Variants in RAB6A observed in about 807,000 individuals in gnomAD.
RAB6A encodes ras-related protein Rab-6A.
In RAB6A, 8 loss-of-function variants were observed where a neutral mutation model predicts 32.3. That is an observed-to-expected ratio of 0.25 (90% CI 0.15 to 0.45). The LOEUF is 0.45. Ranked by LOEUF, RAB6A falls within the 20% of genes least tolerant of loss-of-function variation. RAB6A has a pLI of 1.00. For missense variants in RAB6A, 104 were observed against 249.4 expected (o/e 0.42, Z 3.93); for synonymous variants, 73 against 82.1 (o/e 0.89, Z 0.60).
At chr11:73,759,928 T>G in intron 1 of RAB6A, 31 of 826,706 alleles carry the variant, frequency 3.7e-5, no homozygotes, top group Non-Finnish European at 4.7e-5. Context: ...CGCTACCCCT[T>G]TCACCCCCAA....
chr11:73,698,819 A>AC (rs1945695806), intron 6 of RAB6A, among the ~76,000 whole-genome samples: 1 of 147,206 alleles, frequency 6.8e-6, no homozygotes, highest in Non-Finnish European at 1.5e-5. Flanking sequence ...AATCAAGTAC[A>AC]CTCAGTTCAG....
chr11:73,690,238 G>A (rs1488709152), intron 6 of RAB6A, among the ~76,000 whole-genome samples: 1 of 152,070 alleles, frequency 6.6e-6, no homozygotes, highest in East Asian at 1.9e-4. Flanking sequence ...AAGTTCAAAG[G>A]ACACAATGAT....
At chr11:73,751,436 G>A (rs117793089) in intron 1 of RAB6A, among the ~76,000 whole-genome samples, 2,813 of 152,248 alleles carry the variant, frequency 0.018, 37 homozygotes, top group Non-Finnish European at 0.029. Flanking sequence ...AACCGACAAT[G>A]GGGAAAGCTG....
At position 73,737,305 on chromosome 11, in the gene RAB6A, C is replaced by T. The variant is rs566168403; in HGVS notation, c.71-6482G>A. Among the ~76,000 whole-genome samples the T allele has an allele frequency of 8.6e-5, 13 of 151,980 alleles. No homozygotes were observed. The East Asian group carries it at 1.9e-3, about 23-fold the overall frequency. On this transcript the variant is annotated intron_variant, in intron 1 of 7. Transcript: ENST00000336083. ...TTCGAGATCAGCCTGGGCAAATAAG[C>T]GAGACCCTATCTCTACAAAAAATTT...
chr11:73,722,056 G>GTGTGTGTGTATATATATATATATATAT (rs1555061901), intron 2 of RAB6A, among the ~76,000 whole-genome samples: 25 of 151,030 alleles, frequency 1.7e-4, no homozygotes, highest in Non-Finnish European at 2.4e-4. Flanking sequence ...CTTCTGCCAT[G>GTGTGTGTGTATATATATATATATATAT]ATTGTAAGTT....
At chr11:73,735,725 C>T (rs754235193) in intron 1 of RAB6A, among the ~76,000 whole-genome samples, 20 of 151,840 alleles carry the variant, frequency 1.3e-4, no homozygotes, top group African/African-American at 3.9e-4. Context: ...TACTTATATA[C>T]GAGATTACCT....
At chr11:73,719,027 T>G in intron 3 of RAB6A, 1 of 723,782 alleles carries the variant, frequency 1.4e-6, no homozygotes, top group Non-Finnish European at 2.2e-6. Context: ...TTGCAGGGAG[T>G]GAGGAATGAA....
chr11:73,704,185 T>C (rs1022164872), intron 6 of RAB6A: 22 of 432,976 alleles, frequency 5.1e-5, no homozygotes, highest in African/African-American at 4.1e-4. Context: ...AGTTCAAGAC[T>C]AGCCTGGGCA....
chr11:73,698,736 T>C (rs1945693669), intron 6 of RAB6A, among the ~76,000 whole-genome samples: 1 of 152,022 alleles, frequency 6.6e-6, no homozygotes. Flanking sequence ...TTACACTATG[T>C]GTGCTAGGTA....
intron 1 of RAB6A, among the ~76,000 whole-genome samples, chr11:73,745,246 C>T (rs79659315): frequency 0.021 from 3,198 of 152,234 alleles, 112 homozygotes; most frequent in African/African-American, 0.072. Flanking sequence ...CTGTATTTTT[C>T]TTGTTCATAG....
chr11:73,696,786 C>T (rs1945662850), intron 6 of RAB6A, among the ~76,000 whole-genome samples: 1 of 150,058 alleles, frequency 6.7e-6, no homozygotes, highest in Non-Finnish European at 1.5e-5. Context: ...TTTTTTTTTG[C>T]AGACACACAC....
intron 6 of RAB6A, among the ~76,000 whole-genome samples, chr11:73,680,805 C>T (rs973232156): frequency 1.3e-4 from 20 of 152,166 alleles, no homozygotes; most frequent in Admixed American, 1.2e-3. Flanking sequence ...GCTGGCTTTT[C>T]TTCCATCATT....
chr11:73,704,087 A>G (rs1379468626), intron 6 of RAB6A: 1 of 234,772 alleles, frequency 4.3e-6, no homozygotes, highest in East Asian at 1.1e-4. Flanking sequence ...AATGCTATAA[A>G]TTTACTAAAA....
chr11:73,714,209 A>AAAAATATATATAT (rs35864471), intron 5 of RAB6A, among the ~76,000 whole-genome samples: 1 of 57,576 alleles, frequency 1.7e-5, no homozygotes, highest in African/African-American at 6.2e-5. Flanking sequence ...AAAAAAAAAA[A>AAAAATATATATAT]ATATATATAT....
At chr11:73,743,365 T>C (rs1590885475) in intron 1 of RAB6A, among the ~76,000 whole-genome samples, 1 of 151,530 alleles carries the variant, frequency 6.6e-6, no homozygotes, top group East Asian at 1.9e-4. Context: ...ACCTCCATAC[T>C]AGCAGAGGTA....
chr11:73,743,097 A>G (rs1946525048), intron 1 of RAB6A, among the ~76,000 whole-genome samples: 1 of 151,900 alleles, frequency 6.6e-6, no homozygotes, highest in Non-Finnish European at 1.5e-5. Flanking sequence ...CGAGTTTGAG[A>G]CCAGCCTGGG....
rs778383819 is a variant in RAB6A at position 73,760,643 on chromosome 11, C to A, written c.-8G>T. On this transcript the variant is annotated 5_prime_UTR_variant, in exon 1 of 8. Transcript: ENST00000336083. ...GTCTCCGCCCGTGGACATTGTGGAACTAGAGGAGCGGCCGCCGCCTCAGCC... is the reference window on the plus strand; with the variant it reads ...GTCTCCGCCCGTGGACATTGTGGAAATAGAGGAGCGGCCGCCGCCTCAGCC... 39 of 1,607,062 alleles carry A rather than the reference C, an allele frequency of 2.4e-5. No individual in the cohort carries two copies. The highest frequency in any genetic ancestry group is 2.1e-4 in the African/African-American group (16 of 74,788).
At chr11:73,707,360 A>G in intron 6 of RAB6A, 60 bp downstream of exon 6, 1 of 1,256,566 alleles carries the variant, frequency 8.0e-7, no homozygotes, top group South Asian at 1.2e-5. Flanking sequence ...ACACCAGAGA[A>G]TAGAATACTC....
At chr11:73,691,025 G>C (rs7396121) in intron 6 of RAB6A, among the ~76,000 whole-genome samples, 21 of 151,628 alleles carry the variant, frequency 1.4e-4, no homozygotes, top group Non-Finnish European at 1.9e-4. Flanking sequence ...TTTCGGGGGT[G>C]GGGGGGCGAT....
Sources: gnomAD v4.1 joint callset for allele counts (sites outside exome capture counted in the v4.1 genomes callset) on GRCh38, gnomAD v4.1.1 for gene constraint, MANE v1.5 for transcripts, NCBI Gene and HGNC (gene_info 2026-07-23, HGNC 2026-07-21) for gene names.